NIPA2: variants seen among roughly 807,000 people sequenced by gnomAD.
The protein encoded by NIPA2 is magnesium transporter NIPA2.
In NIPA2, 11 loss-of-function variants were observed where a neutral mutation model predicts 29.7. The observed-to-expected ratio is 0.37, with a 90% confidence interval of 0.23 to 0.61. The LOEUF (loss-of-function observed/expected upper bound fraction) is 0.61, where lower values mean the gene tolerates loss of function less well. Ranked by LOEUF, NIPA2 falls within the 20% of genes least tolerant of loss-of-function variation. The probability of loss-of-function intolerance (pLI) is 0.66; values close to 1 mark genes in which losing one functional copy is unlikely to be tolerated. For synonymous variants in NIPA2, 183 were observed against 161.9 expected, an observed-to-expected ratio of 1.13 and a Z score of -0.99; for missense variants, 426 against 437.9, an observed-to-expected ratio of 0.97 and a Z score of 0.24.
At chr15:22,850,136 C>T (rs2141189802) in intron 3 of NIPA2, among the ~76,000 whole-genome samples, 1 of 152,070 alleles carries the variant, frequency 6.6e-6, no homozygotes, top group Admixed American at 6.5e-5. Context: ...TTCATACTTG[C>T]AGTAAGCCTG....
chr15:22,855,194 C>T (rs1328619548), intron 5 of NIPA2, among the ~76,000 whole-genome samples: 1 of 151,984 alleles, frequency 6.6e-6, no homozygotes, highest in African/African-American at 2.4e-5. Flanking sequence ...GGGTGGATCA[C>T]CTGAGGTCAG....
chr15:22,856,843 A>G (rs180772048), intron 5 of NIPA2, among the ~76,000 whole-genome samples: 1 of 152,306 alleles, frequency 6.6e-6, no homozygotes, highest in African/African-American at 2.4e-5. Flanking sequence ...GCTAAATGAA[A>G]ATTGGCATAA....
Position 22,868,260 on chromosome 15 carries a change from G to GTATC in NIPA2, c.*1415_*1418dup, listed in dbSNP as rs1175445764. The GTATC allele has an allele frequency of 1.3e-5, 2 of 151,932 alleles. No homozygotes were observed. The highest frequency in any genetic ancestry group is 2.9e-5 in the Non-Finnish European group (2 of 67,996). The allele number at this position is 151,932 out of a possible 1,614,324, so 9.4% of individuals were successfully genotyped here. A position where few individuals can be genotyped will look rare whatever the true frequency, so the allele number is the denominator to read the frequency against. Reference sequence around the variant, plus strand: ...CATTTTAATACTACAGATGTACTACGTATCTGTTTATATACTGTACCTACA... The same window carrying GTATC: ...CATTTTAATACTACAGATGTACTACGTATCTATCTGTTTATATACTGTACCTACA... On this transcript the variant is annotated 3_prime_UTR_variant, in exon 8 of 8. Transcript: ENST00000337451.
At position 22,866,245 on chromosome 15, in the gene NIPA2, G is replaced by A. The variant is rs749671658; in HGVS notation, c.481G>A (p.Val161Met). Residue 161 changes from valine to methionine, a missense_variant, in exon 8 of 8, where the codon GTG becomes ATG. Coordinates refer to ENST00000337451, the MANE Select transcript of NIPA2 (RefSeq NM_030922.7). ...FVVFATLVVI[V>M]ALILIFVVGP... The stretch of plus-strand genomic sequence containing the variant: ...GGTCTTTGCAACCCTTGTGGTCATT[G>A]TGGCCTTGATATTAATCTTCGTGGT... The A allele has an allele frequency of 3.1e-6, 5 of 1,613,838 alleles. No homozygotes were observed. The South Asian group carries it at 4.4e-5, about 14-fold the overall frequency.
intron 7 of NIPA2, among the ~76,000 whole-genome samples, chr15:22,864,928 C>G (rs1401069239): frequency 6.6e-6 from 1 of 152,060 alleles, no homozygotes; most frequent in Non-Finnish European, 1.5e-5. Context: ...GTGGCATGAT[C>G]TCAGCTCATT....
intron 2 of NIPA2, among the ~76,000 whole-genome samples, chr15:22,841,159 T>G (rs1234444433): frequency 1.3e-5 from 2 of 152,138 alleles, no homozygotes; most frequent in Non-Finnish European, 2.9e-5. Context: ...GCTTTTGTCA[T>G]AAAAAAGTAA....
intron 7 of NIPA2, among the ~76,000 whole-genome samples, chr15:22,863,263 T>A (rs1811530347): frequency 6.6e-6 from 1 of 151,974 alleles, no homozygotes; most frequent in Non-Finnish European, 1.5e-5. Context: ...TATCTTTTTT[T>A]GGTAGAGACA....
intron 2 of NIPA2, among the ~76,000 whole-genome samples, chr15:22,841,491 C>T (rs990920944): frequency 2.0e-5 from 3 of 152,124 alleles, no homozygotes; most frequent in African/African-American, 7.2e-5. Flanking sequence ...CCATAGGGCC[C>T]CACGTGATCT....
Position 22,860,924 on chromosome 15 carries a change from G to C in NIPA2, c.448+135G>C, listed in dbSNP as rs559066469. 1.6e-5 allele frequency: 10 copies of C among 613,068 alleles called. No homozygotes were observed. In the South Asian group the frequency reaches 2.0e-4, roughly 12 times the overall value. The allele number at this position is 613,068 out of a possible 1,614,324, so 38.0% of individuals were successfully genotyped here. On this transcript the variant is annotated intron_variant, in intron 7 of 7. Coordinates refer to ENST00000337451, the MANE Select transcript of NIPA2 (RefSeq NM_030922.7). ...AGAACAAATTGTCGTCATGTTCCCT[G>C]CTCCCTCCTATCAATCCCAAGCCTG...
At chr15:22,843,674 G>A (rs368325002) in intron 2 of NIPA2, among the ~76,000 whole-genome samples, 2 of 149,742 alleles carry the variant, frequency 1.3e-5, no homozygotes, top group African/African-American at 4.9e-5. Context: ...TTTTTGAGAC[G>A]GAGTCTCGCC....
chr15:22,859,896 C>G (rs1245718612), intron 6 of NIPA2, among the ~76,000 whole-genome samples: 1 of 151,994 alleles, frequency 6.6e-6, no homozygotes, highest in Non-Finnish European at 1.5e-5. Flanking sequence ...ATAAAACTAG[C>G]TACAAGTTAT....
intron 6 of NIPA2, among the ~76,000 whole-genome samples, chr15:22,859,063 A>G (rs1490931952): frequency 6.6e-6 from 1 of 152,010 alleles, no homozygotes; most frequent in Non-Finnish European, 1.5e-5. Flanking sequence ...AGTCCCAGCT[A>G]CTCAGGAGGC....
At chr15:22,853,374 C>CTTT (rs35568106) in intron 5 of NIPA2, 106 bp downstream of exon 5, 83 of 380,006 alleles carry the variant, frequency 2.2e-4, no homozygotes, top group South Asian at 3.8e-4. Context: ...TTTAAATAAT[C>CTTT]TTTTTTTTTT....
intron 7 of NIPA2, among the ~76,000 whole-genome samples, chr15:22,863,810 G>A (rs567133965): frequency 6.6e-6 from 1 of 152,312 alleles, no homozygotes; most frequent in East Asian, 1.9e-4. Context: ...GCAGAGGTGA[G>A]TGTTGGGCTG....
At chr15:22,863,427 G>A (rs1954079635) in intron 7 of NIPA2, among the ~76,000 whole-genome samples, 1 of 152,114 alleles carries the variant, frequency 6.6e-6, no homozygotes, top group Admixed American at 6.5e-5. Context: ...GCTCTCAACT[G>A]ATAGCTTCAG....
At chr15:22,843,500 C>T (rs1192753110) in intron 2 of NIPA2, among the ~76,000 whole-genome samples, 5 of 139,024 alleles carry the variant, frequency 3.6e-5, no homozygotes, top group Admixed American at 1.5e-4. Context: ...AGCGAGACTC[C>T]ATCTAAAAAA....
At chr15:22,860,491 C>T in intron 6 of NIPA2, 138 bp from the exon 7 acceptor site, 2 of 624,664 alleles carry the variant, frequency 3.2e-6, no homozygotes, top group South Asian at 4.5e-5. Flanking sequence ...TACTTTTTTT[C>T]CTTGGCGAAA....
At chr15:22,842,972 C>T (rs1291779587) in intron 2 of NIPA2, among the ~76,000 whole-genome samples, 1 of 149,998 alleles carries the variant, frequency 6.7e-6, no homozygotes, top group Admixed American at 6.6e-5. Context: ...CACTGCACTC[C>T]AGCCTGGGCA....
At chr15:22,849,789 C>G (rs574660605) in intron 3 of NIPA2, among the ~76,000 whole-genome samples, 93 of 152,022 alleles carry the variant, frequency 6.1e-4, no homozygotes, top group Admixed American at 5.1e-3. Flanking sequence ...GACTCGATCT[C>G]CTGACCTTGT....
Sources: allele counts gnomAD v4.1 joint callset (sites outside exome capture counted in the v4.1 genomes callset), GRCh38; gene constraint gnomAD v4.1.1; transcripts MANE v1.5; gene names NCBI Gene and HGNC (gene_info 2026-07-23, HGNC 2026-07-21).